The following SMC2 variants were observed in gnomAD, a reference collection of about 807,000 sequenced individuals.
SMC2 encodes structural maintenance of chromosomes 2.
In SMC2, 41 loss-of-function variants were observed where a neutral mutation model predicts 142.6. That is an observed-to-expected ratio of 0.29 (90% CI 0.22 to 0.37). The LOEUF is 0.37. Among genes scored for constraint, SMC2 ranks in the 10% least tolerant of loss-of-function variants. The probability of loss-of-function intolerance (pLI) is 1.00; values close to 1 mark genes in which losing one functional copy is unlikely to be tolerated. For synonymous variants in SMC2, 463 were observed against 457.5 expected (o/e 1.01, Z -0.15); for missense variants, 1,265 against 1,373.7 (o/e 0.92, Z 1.25).
intron 16 of SMC2, among the ~76,000 whole-genome samples, chr9:104,121,339 C>CA (rs1833710293): frequency 6.6e-6 from 1 of 151,738 alleles, no homozygotes; most frequent in Admixed American, 6.6e-5. Flanking sequence ...TAAAAAAACA[C>CA]AAAAAAGTTA....
chr9:104,106,986 C>A (rs1831873035), intron 9 of SMC2, among the ~76,000 whole-genome samples: 1 of 152,178 alleles, frequency 6.6e-6, no homozygotes, highest in Non-Finnish European at 1.5e-5. Flanking sequence ...TTAGTAGGCA[C>A]ATCTCAGAAT....
chr9:104,109,594 G>A (rs80129056), intron 9 of SMC2, among the ~76,000 whole-genome samples: 8,621 of 152,176 alleles, frequency 0.057, 645 homozygotes, highest in African/African-American at 0.18. Flanking sequence ...TCCGAATTAC[G>A]CGTATGCTGT....
At chr9:104,131,311 A>G (rs895609866) in intron 21 of SMC2, among the ~76,000 whole-genome samples, 2 of 152,130 alleles carry the variant, frequency 1.3e-5, no homozygotes, top group African/African-American at 4.8e-5. Flanking sequence ...ATTATGTTCA[A>G]AGGAGCTGTA....
chr9:104,134,597 T>TTATAAATA, intron 23 of SMC2, 22 bp downstream of exon 23: 1 of 1,474,976 alleles, frequency 6.8e-7, no homozygotes, highest in Non-Finnish European at 9.2e-7. Context: ...CTTTGCTATA[T>TTATAAATA]TATAATTTTC....
At chr9:104,116,172 G>A (rs1321923405) in intron 13 of SMC2, 28 bp from the exon 14 acceptor site, 14 of 1,549,432 alleles carry the variant, frequency 9.0e-6, no homozygotes, top group South Asian at 2.5e-5. Flanking sequence ...TTTAACATGC[G>A]TTTTTTAAAT....
intron 9 of SMC2, among the ~76,000 whole-genome samples, chr9:104,111,277 T>C (rs1832414326): frequency 6.6e-6 from 1 of 152,214 alleles, no homozygotes; most frequent in Non-Finnish European, 1.5e-5. Flanking sequence ...TTTACAGCTT[T>C]AGAAATTCAT....
At chr9:104,090,213 C>T (rs1364127942), upstream of SMC2, among the ~76,000 whole-genome samples, 1 of 152,028 alleles carries the variant, frequency 6.6e-6, no homozygotes, top group African/African-American at 2.4e-5. Flanking sequence ...AAACAAAAAA[C>T]AGCAAAAAGG....
Position 104,102,539 on chromosome 9 carries a change from G to A in SMC2, c.986G>A (p.Ser329Asn), listed in dbSNP as rs757927242. Residue 329 changes from serine to asparagine, a missense_variant, in exon 9 of 25, where the codon AGC becomes AAC. By Grantham distance (46) the Ser-to-Asn change is conservative (BLOSUM62 1). This residue lies in a region of SMC2 where 898 missense variants were observed against 904.2 expected (regional missense o/e 0.99). Coordinates refer to ENST00000374793, the MANE Select transcript of SMC2 (RefSeq NM_006444.3). ...LKKKNLACEE[S>N]KRKELEKNMV... is the part of the protein sequence containing the mutation. ...AAGAAAAATCTGGCATGTGAGGAAA[G>A]CAAACGCAAAGAGCTGGAAAAAAAT... The A allele has an allele frequency of 2.5e-6, 4 of 1,613,538 alleles. No homozygotes were observed. Among genetic ancestry groups the A allele is most frequent in the Non-Finnish European group, 3.4e-6 (4 of 1,179,768 alleles).
At position 104,113,428 on chromosome 9, in the gene SMC2, G is replaced by T; in HGVS notation, c.1367G>T (p.Arg456Ile). The T allele has an allele frequency of 1.9e-6, 3 of 1,603,388 alleles. No individual in the cohort carries two copies. The highest frequency in any genetic ancestry group is 2.6e-6 in the Non-Finnish European group (3 of 1,175,806). Residue 456 changes from arginine (R) to isoleucine (I), a missense_variant, in exon 11 of 25, where the codon AGA (arginine) becomes ATA (isoleucine). Coordinates refer to ENST00000374793, the MANE Select transcript of SMC2 (RefSeq NM_006444.3). ...KDQEALEAVK[R>I]LKEKLEAEMK... The stretch of plus-strand genomic sequence containing the variant: ...CAAGAAGCTCTAGAAGCTGTAAAAA[G>T]ACTTAAAGAAAAACTTGAAGCTGAA...
chr9:104,096,321 G>A (rs1002217068), intron 3 of SMC2, 24 bp downstream of exon 3: 2 of 1,611,476 alleles, frequency 1.2e-6, no homozygotes, highest in Non-Finnish European at 1.7e-6. Context: ...AAACCTTTGG[G>A]TATCTTAAGA....
chr9:104,126,222 C>G (rs185712358), intron 18 of SMC2, among the ~76,000 whole-genome samples: 1 of 151,982 alleles, frequency 6.6e-6, no homozygotes, highest in Non-Finnish European at 1.5e-5. Flanking sequence ...ATCTGGTCCT[C>G]GGTGCCAAAA....
intron 9 of SMC2, among the ~76,000 whole-genome samples, chr9:104,107,567 G>A (rs574340905): frequency 2.0e-5 from 3 of 152,206 alleles, no homozygotes; most frequent in Non-Finnish European, 4.4e-5. Flanking sequence ...GATTAAAGGG[G>A]GCCAAAAAAA....
At position 104,134,478 on chromosome 9, in the gene SMC2, C is replaced by T. The variant is rs372796365; in HGVS notation, c.3172C>T (p.Pro1058Ser). Residue 1058 changes from proline (P) to serine (S), a missense_variant, in exon 23 of 25, where the codon CCA becomes TCA. Physicochemically the swap from Pro to Ser is moderately conservative, Grantham distance 74. Around this residue, in one of 4 missense-constraint regions of SMC2, gnomAD observed 192 missense variants for 261.9 expected, o/e 0.73. Transcript: ENST00000374793. ...GCCTGGTGCTAATGCTATGCTTGCA[C>T]CACCAGAGGGTCAAACTGTTTTGGA... ...LLPGANAMLAPPEGQTVLDGL... is the reference protein window; with the variant it reads ...LLPGANAMLASPEGQTVLDGL... The T allele has an allele frequency of 2.5e-6, 4 of 1,612,634 alleles. No homozygotes were observed. The highest frequency in any genetic ancestry group is 2.5e-6 in the Non-Finnish European group (3 of 1,179,146).
At position 104,114,019 on chromosome 9, in the gene SMC2, T is replaced by C. The variant is rs1278488426; in HGVS notation, c.1470T>C (p.Gly490=). 1.2e-6 allele frequency: 2 copies of C among 1,601,886 alleles called. No homozygotes were observed. Among genetic ancestry groups the C allele is most frequent in the Middle Eastern group, 3.3e-4 (2 of 6,036 alleles). The change falls in exon 12 of 25, where the codon GGT becomes GGC. Residue 490 remains glycine (G), a synonymous_variant. Coordinates refer to ENST00000374793, the MANE Select transcript of SMC2 (RefSeq NM_006444.3). ...GCAGGCAGCTGTCTCGTGATATTGG[T>C]AGATTGAAAGAAACATATGAAGCTC... ...EKRRQLSRDI[G]RLKETYEALL...
At chr9:104,124,148 G>A (rs1367641499) in intron 17 of SMC2, among the ~76,000 whole-genome samples, 1 of 152,172 alleles carries the variant, frequency 6.6e-6, no homozygotes, top group African/African-American at 2.4e-5. Context: ...CTGGAGTGCA[G>A]TGGCGCAATC....
At chr9:104,117,169 TC>T (rs1277528534) in intron 14 of SMC2, among the ~76,000 whole-genome samples, 6 of 152,184 alleles carry the variant, frequency 3.9e-5, no homozygotes, top group African/African-American at 1.4e-4. Flanking sequence ...GTTGGTACTT[TC>T]TTTACTTGAA....
chr9:104,113,608 T>C lies in SMC2; in HGVS notation c.1414+133T>C, dbSNP rs140350513. 196 of 668,198 alleles carry C rather than the reference T, an allele frequency of 2.9e-4. No homozygotes were observed. The East Asian group carries it at 6.2e-3, about 21-fold the overall frequency. 41.4% of individuals were successfully genotyped at this position (668,198 alleles called of 1,614,324 possible). On this transcript the variant is annotated intron_variant, in intron 11 of 24. Coordinates refer to ENST00000374793, the MANE Select transcript of SMC2 (RefSeq NM_006444.3). ...TTAACAAGCATTAGTATAAGAAGTG[T>C]TGTAAATATCGTCAAAAAATACCTA...
chr9:104,093,312 C>T (rs1377189592), upstream of SMC2, among the ~76,000 whole-genome samples: 1 of 152,056 alleles, frequency 6.6e-6, no homozygotes, highest in Admixed American at 6.6e-5. Context: ...AAGAACAATA[C>T]ATACTAATAA....
In SMC2 at chr9:104,118,154, CTGT is replaced by C. The variant is rs749856132; in HGVS notation, c.1792-10_1792-8del. ...AGTAGTAGTATGTACTGTGGCATATCTGTTGTTGTCCCACAGGTTGGCCCTGAC... is the reference window on the plus strand; with the variant it reads ...AGTAGTAGTATGTACTGTGGCATATCTGTTGTCCCACAGGTTGGCCCTGAC... On this transcript the variant is annotated splice_polypyrimidine_tract_variant and intron_variant, in intron 14 of 24. Transcript: ENST00000374793. The C allele has an allele frequency of 5.5e-5, 88 of 1,608,056 alleles. No individual in the cohort carries two copies. The highest frequency in any genetic ancestry group is 7.1e-5 in the Non-Finnish European group (84 of 1,174,966).
Sources: gnomAD v4.1 joint callset for allele counts (sites outside exome capture counted in the v4.1 genomes callset) on GRCh38, gnomAD v4.1.1 for gene constraint, gnomAD v4.1.1 regional missense constraint, MANE v1.5 for transcripts, NCBI Gene and HGNC (gene_info 2026-07-23, HGNC 2026-07-21) for gene names.